CSMD1: variants seen among roughly 807,000 people sequenced by gnomAD.
CSMD1 encodes CUB and Sushi multiple domains 1.
A neutral mutation model predicts 417.5 loss-of-function variants in CSMD1; 213 were observed. The ratio of observed to expected loss-of-function variants is 0.51; its 90% CI spans 0.46 to 0.57. The LOEUF (loss-of-function observed/expected upper bound fraction) is 0.57, where lower values mean the gene tolerates loss of function less well. CSMD1 is among the 20% of genes least tolerant of loss of function. CSMD1 has a pLI of 0.00. For synonymous variants in CSMD1, 2,862 were observed against 1,736.8 expected, an observed-to-expected ratio of 1.65 and a Z score of -16.11; for missense variants, 6,923 against 4,529.7, an observed-to-expected ratio of 1.53 and a Z score of -15.17.
At chr8:4,766,371 G>C (rs1487826546) in intron 1 of CSMD1, among the ~76,000 whole-genome samples, 2 of 152,166 alleles carry the variant, frequency 1.3e-5, no homozygotes, top group African/African-American at 2.4e-5. Context: ...GAAGAAATTA[G>C]GTTTGTGGAT....
chr8:4,117,892 G>T (rs370367767), intron 3 of CSMD1, among the ~76,000 whole-genome samples: 1 of 141,854 alleles, frequency 7.0e-6, no homozygotes, highest in East Asian at 2.1e-4. Context: ...CAAAGTAGAG[G>T]AAAGACATTT....
At chr8:3,877,446 T>C (rs1399772584) in intron 5 of CSMD1, among the ~76,000 whole-genome samples, 2 of 152,178 alleles carry the variant, frequency 1.3e-5, no homozygotes, top group African/African-American at 4.8e-5. Flanking sequence ...ATGAATTCTC[T>C]TAATCTAGCA....
At chr8:4,635,708 T>G (rs1802778159) in intron 2 of CSMD1, among the ~76,000 whole-genome samples, 1 of 152,136 alleles carries the variant, frequency 6.6e-6, no homozygotes, top group Admixed American at 6.5e-5. Flanking sequence ...GTAGCGTTGA[T>G]AATTGACAAC....
chr8:4,375,540 T>G (rs1802679079), intron 3 of CSMD1, among the ~76,000 whole-genome samples: 1 of 152,228 alleles, frequency 6.6e-6, no homozygotes, highest in Middle Eastern at 3.4e-3. Flanking sequence ...TCCTTAACAT[T>G]TTAGCCCACT....
At chr8:4,827,837 T>G (rs1799926105) in intron 1 of CSMD1, among the ~76,000 whole-genome samples, 1 of 152,224 alleles carries the variant, frequency 6.6e-6, no homozygotes. Context: ...TACAGCCTGT[T>G]TAAATTCTTA....
chr8:3,673,393 G>C (rs933805749), intron 7 of CSMD1, among the ~76,000 whole-genome samples: 75 of 152,310 alleles, frequency 4.9e-4, no homozygotes, highest in African/African-American at 1.7e-3. Context: ...AGAATATGGA[G>C]ATGAAAGTAT....
chr8:4,331,162 G>C (rs1339952923), intron 3 of CSMD1, among the ~76,000 whole-genome samples: 1 of 152,016 alleles, frequency 6.6e-6, no homozygotes, highest in Non-Finnish European at 1.5e-5. Context: ...CAAATTATTT[G>C]CCTGATAAGA....
chr8:4,280,221 C>T (rs1796703706), intron 3 of CSMD1, among the ~76,000 whole-genome samples: 1 of 152,194 alleles, frequency 6.6e-6, no homozygotes, highest in Non-Finnish European at 1.5e-5. Context: ...TCAAAGGTTA[C>T]TTTCTCTCTT....
intron 1 of CSMD1, among the ~76,000 whole-genome samples, chr8:4,771,892 A>T (rs974269043): frequency 2.6e-5 from 4 of 152,154 alleles, no homozygotes; most frequent in African/African-American, 9.7e-5. Flanking sequence ...GCATGAAGGG[A>T]GCCTCCAGAA....
chr8:4,491,022 G>A (rs1050649056), intron 2 of CSMD1, among the ~76,000 whole-genome samples: 4 of 152,118 alleles, frequency 2.6e-5, no homozygotes, highest in Admixed American at 6.5e-5. Context: ...GGGACATGTA[G>A]GCAGCTCCTA....
intron 62 of CSMD1, among the ~76,000 whole-genome samples, 176 bp downstream of exon 62, chr8:2,960,965 T>TATATATATATATATAC (rs1462555176): frequency 3.1e-5 from 4 of 131,060 alleles, no homozygotes; most frequent in African/African-American, 1.1e-4. Flanking sequence ...TATATATATA[T>TATATATATATATATAC]ACATATATTG....
At chr8:4,713,876 G>C (rs1241636482) in intron 1 of CSMD1, among the ~76,000 whole-genome samples, 3 of 152,164 alleles carry the variant, frequency 2.0e-5, no homozygotes, top group Non-Finnish European at 2.9e-5. Context: ...GCCAAAAGTG[G>C]AGGTGGAGAT....
At chr8:3,694,900 G>C (rs62474725) in intron 7 of CSMD1, among the ~76,000 whole-genome samples, 3,443 of 152,090 alleles carry the variant, frequency 0.023, 65 homozygotes, top group Non-Finnish European at 0.037. Context: ...CTGGGTGTGA[G>C]GGGAAATCGC....
chr8:3,997,798 G>C, intron 5 of CSMD1, 105 bp downstream of exon 5: 1 of 1,007,044 alleles, frequency 9.9e-7, no homozygotes. Context: ...GAACACACAT[G>C]CTTGCCCATG....
intron 29 of CSMD1, among the ~76,000 whole-genome samples, chr8:3,218,830 C>G (rs1407353976): frequency 1.3e-5 from 2 of 152,004 alleles, no homozygotes; most frequent in Non-Finnish European, 2.9e-5. Flanking sequence ...TGACATCGTG[C>G]CATTGCCCTC....
chr8:3,770,986 C>A (rs926407674), intron 5 of CSMD1, among the ~76,000 whole-genome samples: 2 of 147,316 alleles, frequency 1.4e-5, no homozygotes, highest in African/African-American at 5.2e-5. Context: ...TTAATTTGGA[C>A]AGTTTCTCTC....
At chr8:3,504,090 G>A (rs1185316771) in intron 10 of CSMD1, among the ~76,000 whole-genome samples, 4 of 152,004 alleles carry the variant, frequency 2.6e-5, no homozygotes, top group African/African-American at 9.7e-5. Context: ...AAGAAAACAG[G>A]AATTTAAATG....
chr8:3,030,743 C>T (rs1019053153), intron 50 of CSMD1, among the ~76,000 whole-genome samples: 6 of 152,038 alleles, frequency 3.9e-5, no homozygotes, highest in Non-Finnish European at 8.8e-5. Flanking sequence ...CCTTGGCCTC[C>T]CAAAGTGCTG....
At chr8:3,692,107 G>C (rs985574791) in intron 7 of CSMD1, among the ~76,000 whole-genome samples, 1 of 152,180 alleles carries the variant, frequency 6.6e-6, no homozygotes, top group African/African-American at 2.4e-5. Context: ...CATCTGGAGA[G>C]GCCTGGGGAA....
Sources: allele counts gnomAD v4.1 joint callset (sites outside exome capture counted in the v4.1 genomes callset), GRCh38; gene constraint gnomAD v4.1.1; transcripts MANE v1.5; gene names NCBI Gene and HGNC (gene_info 2026-07-23, HGNC 2026-07-21).